The following EDEM1 variants were observed in gnomAD, a reference collection of about 807,000 sequenced individuals.
EDEM1 encodes ER degradation-enhancing alpha-mannosidase-like protein 1.
In EDEM1, 67 loss-of-function variants were observed where a neutral mutation model predicts 74.4. The ratio of observed to expected loss-of-function variants is 0.90; its 90% CI spans 0.74 to 1.10. The LOEUF (loss-of-function observed/expected upper bound fraction) is 1.10, where lower values mean the gene tolerates loss of function less well. Ranked by LOEUF, EDEM1 falls within the 50% of genes least tolerant of loss-of-function variation. The pLI is 0.00. For synonymous variants in EDEM1, 382 were observed against 335.9 expected (o/e 1.14, Z -1.50); for missense variants, 926 against 851.6 (o/e 1.09, Z -1.09).
At chr3:5,204,577 A>C (rs972577692) in intron 5 of EDEM1, among the ~76,000 whole-genome samples, 10 of 152,218 alleles carry the variant, frequency 6.6e-5, no homozygotes, top group Admixed American at 2.6e-4. Flanking sequence ...TTTTTGGTAG[A>C]GACAGAGTTT....
At chr3:5,188,386 C>G (rs2054856156) in intron 1 of EDEM1, 72 bp downstream of exon 1, 1 of 1,326,964 alleles carries the variant, frequency 7.5e-7, no homozygotes, top group African/African-American at 1.6e-5. Flanking sequence ...GGGTGCAGCC[C>G]TCTGTCCTCC....
intron 1 of EDEM1, chr3:5,189,541 A>C (rs1314835754): frequency 6.6e-6 from 1 of 152,150 alleles, no homozygotes; most frequent in Non-Finnish European, 1.5e-5. Flanking sequence ...TGTATTTTCT[A>C]TCTCAATTTT....
At chr3:5,198,052 CT>C (rs369841667) in intron 2 of EDEM1, among the ~76,000 whole-genome samples, 3,423 of 148,660 alleles carry the variant, frequency 0.023, 137 homozygotes, top group African/African-American at 0.08. Context: ...TTTTTTTTGT[CT>C]TTTTTTTTTG....
intron 1 of EDEM1, among the ~76,000 whole-genome samples, chr3:5,193,910 A>G (rs1184190830): frequency 3.3e-5 from 5 of 152,312 alleles, no homozygotes; most frequent in Non-Finnish European, 5.9e-5. Flanking sequence ...AAATTTTACT[A>G]TAAATTCTTT....
Position 5,188,149 on chromosome 3 carries a change from A to G in EDEM1, c.344A>G (p.Glu115Gly). 6.5e-7 allele frequency: 1 copy of G among 1,538,920 alleles called. No individual in the cohort carries two copies. The highest frequency in any genetic ancestry group is 8.7e-7 in the Non-Finnish European group (1 of 1,143,060). The change falls in exon 1 of 12, where the codon GAG becomes GGG. Residue 115 changes from glutamate to glycine, a missense_variant. Glu to Gly is a moderately conservative substitution (Grantham distance 98). Transcript: ENST00000256497. ...GGRGRGPDEY[E>G]KRYSGAFPPQ... ...CGGGGCCGCGGCCCGGACGAGTACG[A>G]GAAGCGCTACAGCGGCGCCTTCCCT...
chr3:5,199,762 CT>C (rs1173225611), intron 3 of EDEM1, 67 bp downstream of exon 3: 1 of 1,340,062 alleles, frequency 7.5e-7, no homozygotes, highest in Non-Finnish European at 1.0e-6. Context: ...AAAAAAATAC[CT>C]TTGAGGGTCT....
chr3:5,210,549 A>G (rs2055155453), intron 9 of EDEM1, among the ~76,000 whole-genome samples: 1 of 152,174 alleles, frequency 6.6e-6, no homozygotes, highest in African/African-American at 2.4e-5. Flanking sequence ...GCAGTAGAAT[A>G]TTATCACTGT....
rs759995910 is a variant in EDEM1 at position 5,187,833 on chromosome 3, C to T, written c.28C>T (p.Leu10=). The T allele has an allele frequency of 6.3e-7, 1 of 1,590,250 alleles. No homozygotes were observed. Among genetic ancestry groups the T allele is most frequent in the East Asian group, 2.4e-5 (1 of 42,136 alleles). Residue 10 remains leucine (L), a synonymous_variant, in exon 1 of 12, where the codon CTG becomes TTG. Coordinates refer to ENST00000256497, the MANE Select transcript of EDEM1 (RefSeq NM_014674.3). Reference sequence around the variant, plus strand: ...GCAATGGCGAGCGCTCGTCCTGGGGCTGGTGCTCCTCCGGCTTGGCCTCCA... The same window carrying T: ...GCAATGGCGAGCGCTCGTCCTGGGGTTGGTGCTCCTCCGGCTTGGCCTCCA... MQWRALVLG[L]VLLRLGLHGV...
chr3:5,206,093 A>G (rs528306641), intron 6 of EDEM1, among the ~76,000 whole-genome samples: 29 of 151,890 alleles, frequency 1.9e-4, no homozygotes, highest in Admixed American at 3.9e-4. Flanking sequence ...TTTCTCTCTG[A>G]GTTTGTTTAA....
In EDEM1 at chr3:5,199,634, G is replaced by A; in HGVS notation, c.625G>A (p.Val209Met). The A allele has an allele frequency of 6.2e-7, 1 of 1,613,870 alleles. No individual in the cohort carries two copies. Among genetic ancestry groups the A allele is most frequent in the Non-Finnish European group, 8.5e-7 (1 of 1,179,924 alleles). ...SSEFQKAVKL[V>M]INTVSFDKDS... ...CGAGTTCCAGAAAGCCGTCAAGTTA[G>A]TGATCAACACAGTTTCATTTGACAA... The change falls in exon 3 of 12, where the codon GTG (valine) becomes ATG (methionine). Residue 209 changes from valine (V) to methionine (M), a missense_variant. By Grantham distance (21) the Val-to-Met change is conservative (BLOSUM62 1). Coordinates refer to ENST00000256497, the MANE Select transcript of EDEM1 (RefSeq NM_014674.3).
chr3:5,209,338 G>T (rs752511113), intron 8 of EDEM1, among the ~76,000 whole-genome samples: 1 of 152,112 alleles, frequency 6.6e-6, no homozygotes, highest in African/African-American at 2.4e-5. Flanking sequence ...ATGGCGTGCC[G>T]GTTACTGGCT....
Position 5,207,258 on chromosome 3 carries a change from T to C in EDEM1, c.1323T>C (p.Phe441=). The C allele has an allele frequency of 6.2e-7, 1 of 1,614,112 alleles. No individual in the cohort carries two copies. The highest frequency in any genetic ancestry group is 8.5e-7 in the Non-Finnish European group (1 of 1,179,982). The change falls in exon 7 of 12, where the codon TTT becomes TTC. Residue 441 remains phenylalanine (F), a synonymous_variant. Transcript: ENST00000256497. ...CCTGGATTGACTCTCTGCAGGCCTT[T>C]TTCCCTGGACTGCAGGTATTTTGCC... ...MNTWIDSLQA[F]FPGLQVLIGD...
chr3:5,189,212 C>T (rs910548462), intron 1 of EDEM1, among the ~76,000 whole-genome samples: 5 of 152,080 alleles, frequency 3.3e-5, no homozygotes, highest in African/African-American at 9.7e-5. Flanking sequence ...ATAGTTGACT[C>T]CCCTCCCCTG....
chr3:5,203,965 C>T (rs1389084034), intron 5 of EDEM1, among the ~76,000 whole-genome samples: 1 of 152,186 alleles, frequency 6.6e-6, no homozygotes, highest in East Asian at 1.9e-4. Flanking sequence ...CTCCTGAGCG[C>T]AAGCAATTCT....
rs1559300712 is a variant in EDEM1 at position 5,212,716 on chromosome 3, T to A, written c.1681-603T>A. On this transcript the variant is annotated intron_variant, in intron 10 of 11. Coordinates refer to ENST00000256497, the MANE Select transcript of EDEM1 (RefSeq NM_014674.3). ...CCTTCTCCTGCACTGTTGCATCCCA[T>A]ATTGGGTTAGATGTTCTTTCTAGAT... Among the ~76,000 whole-genome samples, 4 of 152,332 alleles carry A rather than the reference T, an allele frequency of 2.6e-5. No homozygotes were observed. The South Asian group carries it at 8.3e-4, about 32-fold the overall frequency.
intron 10 of EDEM1, 96 bp from the exon 11 acceptor site, chr3:5,213,223 C>T: frequency 7.9e-7 from 1 of 1,268,978 alleles, no homozygotes; most frequent in Non-Finnish European, 1.1e-6. Context: ...GAGGCCCAAG[C>T]AAATTCTACT....
At position 5,217,180 on chromosome 3, in the gene EDEM1, G is replaced by A. The variant is rs995669078; in HGVS notation, c.*1262G>A. On this transcript the variant is annotated 3_prime_UTR_variant, in exon 12 of 12. Coordinates refer to ENST00000256497, the MANE Select transcript of EDEM1 (RefSeq NM_014674.3). ...CCTTTCATCCTGTAAAAGTAAGCAT[G>A]TAGAAGGAGGAAGTTGTGCTAAAAT... is the stretch of plus-strand genomic sequence containing the variant. 1 of 152,750 alleles carries A rather than the reference G, an allele frequency of 6.5e-6. No homozygotes were observed. The highest frequency in any genetic ancestry group is 1.5e-5 in the Non-Finnish European group (1 of 68,032). 9.5% of individuals were successfully genotyped at this position (152,750 alleles called of 1,614,324 possible).
At chr3:5,188,373 C>G in intron 1 of EDEM1, 59 bp downstream of exon 1, 3 of 1,360,932 alleles carry the variant, frequency 2.2e-6, no homozygotes, top group South Asian at 1.9e-5. Context: ...GCCCTCCGCG[C>G]CGGGGTGCAG....
At chr3:5,198,566 A>G (rs758397905) in intron 2 of EDEM1, among the ~76,000 whole-genome samples, 23 of 151,748 alleles carry the variant, frequency 1.5e-4, no homozygotes, top group Admixed American at 3.9e-4. Context: ...GTCAATTTAC[A>G]TTGCCTGGGT....
Sources: gnomAD v4.1 joint callset for allele counts (sites outside exome capture counted in the v4.1 genomes callset) on GRCh38, gnomAD v4.1.1 for gene constraint, MANE v1.5 for transcripts, NCBI Gene and HGNC (gene_info 2026-07-23, HGNC 2026-07-21) for gene names.